CCSER2: variants seen among roughly 807,000 people sequenced by gnomAD.
The protein encoded by CCSER2 is coiled-coil serine rich protein 2, also known as serine-rich coiled-coil domain-containing protein 2.
In CCSER2, 46 loss-of-function variants were observed where a neutral mutation model predicts 92.3. That is an observed-to-expected ratio of 0.50 (90% confidence interval 0.39 to 0.64). The LOEUF is 0.64. CCSER2 is among the 30% of genes least tolerant of loss of function. The probability of loss-of-function intolerance (pLI) is 0.00; values close to 1 mark genes in which losing one functional copy is unlikely to be tolerated. For synonymous variants in CCSER2, 433 were observed against 431.4 expected (o/e 1.00, Z -0.04); for missense variants, 1,244 against 1,238.9 (o/e 1.00, Z -0.06).
At chr10:84,415,906 G>T (rs1401111153) in intron 3 of CCSER2, among the ~76,000 whole-genome samples, 2 of 152,202 alleles carry the variant, frequency 1.3e-5, no homozygotes, top group African/African-American at 4.8e-5. Context: ...TGGGCCTGCA[G>T]ATCGATGCTG....
At position 84,453,155 on chromosome 10, in the gene CCSER2, A is replaced by AT. The variant is rs71914563; in HGVS notation, c.2065-10768dup. 2.9e-3 allele frequency among the ~76,000 whole-genome samples: 433 copies of AT among 148,526 alleles called. 1 individual carries two copies. The highest frequency in any genetic ancestry group is 9.8e-3 in the African/African-American group (398 of 40,464). ...CTGTCCCATGCATTTATTTTATTTCATTTTTTTTTTCAGTTTTCAAAAATA... is the reference window on the plus strand; with the variant it reads ...CTGTCCCATGCATTTATTTTATTTCATTTTTTTTTTTCAGTTTTCAAAAATA... On this transcript the variant is annotated intron_variant, in intron 6 of 9. Transcript: ENST00000372088.
chr10:84,406,173 A>G (rs1589570991), intron 3 of CCSER2, among the ~76,000 whole-genome samples: 1 of 152,230 alleles, frequency 6.6e-6, no homozygotes, highest in Non-Finnish European at 1.5e-5. Flanking sequence ...TCAAAATGTT[A>G]CATGCTGTAT....
intron 9 of CCSER2, among the ~76,000 whole-genome samples, chr10:84,496,126 C>G (rs953638048): frequency 2.0e-5 from 3 of 151,954 alleles, no homozygotes; most frequent in African/African-American, 7.2e-5. Context: ...ATATATTTAA[C>G]TATATATAGT....
chr10:84,368,578 TA>T (rs914201776), intron 1 of CCSER2, among the ~76,000 whole-genome samples: 3 of 151,724 alleles, frequency 2.0e-5, no homozygotes, highest in East Asian at 1.9e-4. Context: ...GTTTTAAAAA[TA>T]AAAAAAAATT....
At chr10:84,501,860 CTCATATATATATATAT>C (rs1848771025) in intron 9 of CCSER2, among the ~76,000 whole-genome samples, 1 of 64,402 alleles carries the variant, frequency 1.6e-5, no homozygotes, top group Non-Finnish European at 4.1e-5. Flanking sequence ...TATATATATA[CTCATATATATATATAT>C]GAGTCTTTTC....
chr10:84,479,122 G>A (rs1467137787), intron 9 of CCSER2, among the ~76,000 whole-genome samples: 1 of 152,118 alleles, frequency 6.6e-6, no homozygotes, highest in East Asian at 1.9e-4. Context: ...GGCTCCTTCA[G>A]CCTCACTGTT....
chr10:84,469,752 G>A (rs868692570), intron 7 of CCSER2, among the ~76,000 whole-genome samples: 8 of 152,038 alleles, frequency 5.3e-5, no homozygotes, highest in African/African-American at 1.9e-4. Flanking sequence ...AATAGTACTA[G>A]GCATTTCTTA....
intron 3 of CCSER2, among the ~76,000 whole-genome samples, chr10:84,416,995 T>G (rs1434047357): frequency 2.6e-5 from 4 of 152,252 alleles, no homozygotes; most frequent in Admixed American, 6.5e-5. Flanking sequence ...ACTTTTGATC[T>G]TTTTACTTGT....
chr10:84,455,502 C>T, intron 6 of CCSER2: 1 of 322,342 alleles, frequency 3.1e-6, no homozygotes, highest in Non-Finnish European at 6.0e-6. Flanking sequence ...TCTCAAACTC[C>T]TGACCTCAGG....
intron 1 of CCSER2, among the ~76,000 whole-genome samples, chr10:84,342,434 C>T (rs1042961269): frequency 6.6e-6 from 1 of 152,194 alleles, no homozygotes; most frequent in African/African-American, 2.4e-5. Context: ...CCTGCCTTAA[C>T]TCTTGTCATT....
Position 84,514,262 on chromosome 10 carries a change from C to A in CCSER2, c.3139C>A (p.His1047Asn). 1 of 1,531,486 alleles carries A rather than the reference C, an allele frequency of 6.5e-7. No individual in the cohort carries two copies. The highest frequency in any genetic ancestry group is 8.7e-7 in the Non-Finnish European group (1 of 1,142,980). 94.9% of individuals were successfully genotyped at this position (1,531,486 alleles called of 1,614,324 possible). Reference sequence around the variant, plus strand: ...TTCTCGTCTTCCTAAACCAAAGATACATTAAGTACATAGCCATCACCTGCC... The same window carrying A: ...TTCTCGTCTTCCTAAACCAAAGATAAATTAAGTACATAGCCATCACCTGCC... ...RYSRLPKPKIH is the reference protein window; with the variant it reads ...RYSRLPKPKIN Residue 1047 changes from histidine to asparagine, a missense_variant, in exon 10 of 10, where the codon CAT becomes AAT. By Grantham distance (68) the His-to-Asn change is moderately conservative. Coordinates refer to ENST00000372088, the MANE Select transcript of CCSER2 (RefSeq NM_001284240.2).
At chr10:84,455,259 TTTTTTCTTTTTCTTTTTC>T (rs754937560) in intron 6 of CCSER2, 1 of 168,986 alleles carries the variant, frequency 5.9e-6, no homozygotes, top group East Asian at 1.7e-4. Context: ...CTTTCTTTCT[TTTTTTCTTTTTCTTTTTC>T]TTTTTCTTTT....
intron 5 of CCSER2, among the ~76,000 whole-genome samples, chr10:84,434,855 A>G (rs1026298928): frequency 1.3e-5 from 2 of 152,176 alleles, no homozygotes; most frequent in Admixed American, 1.3e-4. Context: ...TTGTGTGGCT[A>G]GTAAGTGGCA....
At chr10:84,505,226 A>T (rs542609998) in intron 9 of CCSER2, among the ~76,000 whole-genome samples, 1 of 152,184 alleles carries the variant, frequency 6.6e-6, no homozygotes, top group African/African-American at 2.4e-5. Flanking sequence ...TTCTAAATTA[A>T]TTTTTTTCTA....
chr10:84,499,361 C>T (rs1161111172), intron 9 of CCSER2, among the ~76,000 whole-genome samples: 1 of 152,130 alleles, frequency 6.6e-6, no homozygotes, highest in Non-Finnish European at 1.5e-5. Flanking sequence ...GTCTTCAACT[C>T]CTGACCTCGT....
chr10:84,479,579 G>A (rs1204448909), intron 9 of CCSER2, among the ~76,000 whole-genome samples: 1 of 152,186 alleles, frequency 6.6e-6, no homozygotes, highest in Non-Finnish European at 1.5e-5. Flanking sequence ...TTATTCAGCA[G>A]ATATTTATGT....
intron 6 of CCSER2, among the ~76,000 whole-genome samples, chr10:84,445,749 C>T (rs1450484399): frequency 6.6e-6 from 1 of 152,124 alleles, no homozygotes; most frequent in African/African-American, 2.4e-5. Context: ...GCTTCTTTTG[C>T]TTAATATTAT....
intron 1 of CCSER2, among the ~76,000 whole-genome samples, chr10:84,336,449 GGT>G (rs1843842415): frequency 6.6e-6 from 1 of 152,228 alleles, no homozygotes; most frequent in South Asian, 2.1e-4. Context: ...TTTTATCTAA[GGT>G]GGTTAGGGAA....
At position 84,518,292 on chromosome 10, in the gene CCSER2, C is replaced by T. The variant is rs1236408691; in HGVS notation, c.*4025C>T. 6.6e-6 allele frequency: 1 copy of T among 152,526 alleles called. No individual in the cohort carries two copies. The highest frequency in any genetic ancestry group is 1.5e-5 in the Non-Finnish European group (1 of 68,026). The allele number at this position is 152,526 out of a possible 1,614,324, so 9.4% of individuals were successfully genotyped here. A position where few individuals can be genotyped will look rare whatever the true frequency, so the allele number is the denominator to read the frequency against. On this transcript the variant is annotated 3_prime_UTR_variant, in exon 10 of 10. Coordinates refer to ENST00000372088, the MANE Select transcript of CCSER2 (RefSeq NM_001284240.2). ...CTTACCCACTTTCTCCTTGGTAAAG[C>T]GTTTACTTAACAAAATAATACCCGA...
Sources: gnomAD v4.1 joint callset for allele counts (sites outside exome capture counted in the v4.1 genomes callset) on GRCh38, gnomAD v4.1.1 for gene constraint, MANE v1.5 for transcripts, NCBI Gene and HGNC (gene_info 2026-07-23, HGNC 2026-07-21) for gene names.